Variants in DNM2 observed in about 807,000 individuals in gnomAD.
DNM2 encodes dynamin 2.
DNM2 carries 15 observed loss-of-function variants against 99.0 expected under a neutral mutation model. The observed-to-expected ratio is 0.15, with a 90% CI of 0.10 to 0.23. The LOEUF (loss-of-function observed/expected upper bound fraction) is 0.23. DNM2 is among the 10% of genes least tolerant of loss of function. The probability of loss-of-function intolerance (pLI) is 1.00; values close to 1 mark genes in which losing one functional copy is unlikely to be tolerated. For synonymous variants in DNM2, 525 were observed against 481.2 expected (o/e 1.09, Z -1.19); for missense variants, 742 against 1,189.4 (o/e 0.62, Z 5.53).
At chr19:10,790,194 C>T (rs1341562906) in intron 7 of DNM2, among the ~76,000 whole-genome samples, 6 of 152,242 alleles carry the variant, frequency 3.9e-5, no homozygotes, top group Non-Finnish European at 7.3e-5. Context: ...CTTGGCTTTT[C>T]TCTTCTTGTT....
chr19:10,785,084 C>T lies in DNM2; in HGVS notation c.850-1480C>T, dbSNP rs149556279. Among the ~76,000 whole-genome samples, 344 of 152,126 alleles carry T rather than the reference C, an allele frequency of 2.3e-3. 3 individuals are homozygous for T. Among genetic ancestry groups the T allele is most frequent in the African/African-American group, 7.9e-3 (330 of 41,516 alleles). On this transcript the variant is annotated intron_variant, in intron 6 of 20. Transcript: ENST00000389253. ...CTGCCCGCCTTAGCCTCCCAAAGTG[C>T]TGGGATTACAGGCGTGAGCCACTGT...
chr19:10,826,249 TC>T (rs2073139975), intron 18 of DNM2, among the ~76,000 whole-genome samples: 1 of 152,034 alleles, frequency 6.6e-6, no homozygotes. Flanking sequence ...ACGGCCATCT[TC>T]CCCATTTCAC....
intron 4 of DNM2, among the ~76,000 whole-genome samples, chr19:10,776,370 C>T (rs963661224): frequency 2.0e-5 from 3 of 152,180 alleles, no homozygotes; most frequent in Non-Finnish European, 2.9e-5. Flanking sequence ...GTTGACACCC[C>T]TGGGCCCCTC....
At chr19:10,801,590 A>AGAGCAAGACTCCGTCTC (rs1374742204) in intron 11 of DNM2, among the ~76,000 whole-genome samples, 1 of 142,908 alleles carries the variant, frequency 7.0e-6, no homozygotes, top group Non-Finnish European at 1.5e-5. Flanking sequence ...CCTGGGAGAC[A>AGAGCAAGACTCCGTCTC]GTAAGTTCTT....
At chr19:10,791,508 A>AG (rs374046886) in intron 7 of DNM2, among the ~76,000 whole-genome samples, 39 of 148,094 alleles carry the variant, frequency 2.6e-4, no homozygotes, top group African/African-American at 8.8e-4. Context: ...TCCGAGGTAC[A>AG]GGGGGGCAGG....
chr19:10,734,638 CAAAAAAAAA>C lies in DNM2; in HGVS notation c.161+16250_161+16258del, dbSNP rs61458566. 3.2e-4 allele frequency among the ~76,000 whole-genome samples: 19 copies of C among 58,520 alleles called. 1 individual carries two copies. The highest frequency in any genetic ancestry group is 1.4e-3 in the African/African-American group (19 of 13,848). 38.4% of individuals were successfully genotyped at this position (58,520 alleles called of 152,430 possible). The stretch of plus-strand genomic sequence containing the variant: ...CGGGCAACAGAGCCAGACCCTGTCT[CAAAAAAAAA>C]AAAAAAAAAAAAAAGCCAAAGCCAG... On this transcript the variant is annotated intron_variant, in intron 1 of 20. Transcript: ENST00000389253.
intron 13 of DNM2, among the ~76,000 whole-genome samples, chr19:10,807,558 T>TA (rs1248398960): frequency 7.3e-6 from 1 of 136,480 alleles, no homozygotes; most frequent in East Asian, 2.2e-4. Flanking sequence ...TTTTTTTTTT[T>TA]TTTTTTTTGA....
At chr19:10,755,678 T>C (rs2145833350) in intron 1 of DNM2, among the ~76,000 whole-genome samples, 1 of 151,558 alleles carries the variant, frequency 6.6e-6, no homozygotes, top group African/African-American at 2.4e-5. Flanking sequence ...TTTGTTTTTG[T>C]TTTGAGATGG....
chr19:10,770,841 C>CT (rs1268282892), intron 2 of DNM2, among the ~76,000 whole-genome samples: 1 of 152,196 alleles, frequency 6.6e-6, no homozygotes, highest in Non-Finnish European at 1.5e-5. Flanking sequence ...TGGGTCCCTG[C>CT]TACAACACAA....
intron 11 of DNM2, among the ~76,000 whole-genome samples, chr19:10,799,170 T>C (rs1381252584): frequency 1.3e-5 from 2 of 152,152 alleles, no homozygotes; most frequent in African/African-American, 4.8e-5. Context: ...AAGGCTTCAG[T>C]AAGTTATGGT....
chr19:10,771,623 G>C (rs1017251415), intron 2 of DNM2, among the ~76,000 whole-genome samples: 1 of 152,090 alleles, frequency 6.6e-6, no homozygotes, highest in Non-Finnish European at 1.5e-5. Context: ...TGTGCTGGTG[G>C]ACCATGAATC....
intron 3 of DNM2, among the ~76,000 whole-genome samples, chr19:10,774,883 C>T (rs957190591): frequency 2.0e-5 from 3 of 151,618 alleles, no homozygotes; most frequent in African/African-American, 7.3e-5. Context: ...GATCCTCCCG[C>T]CTTAGTCTCC....
chr19:10,766,419 C>G (rs1018496379), intron 2 of DNM2, among the ~76,000 whole-genome samples: 4 of 152,096 alleles, frequency 2.6e-5, no homozygotes, highest in Non-Finnish European at 5.9e-5. Context: ...TGTCCCAGGC[C>G]CCCTGACCCT....
In DNM2 at chr19:10,741,888, C is replaced by CCCTTCCTCTTTA. The variant is rs138711690; in HGVS notation, c.162-17826_162-17815dup. Among the ~76,000 whole-genome samples, 100 of 151,236 alleles carry CCCTTCCTCTTTA rather than the reference C, an allele frequency of 6.6e-4. 1 individual carries two copies. Among genetic ancestry groups the CCCTTCCTCTTTA allele is most frequent in the African/African-American group, 2.4e-3 (97 of 41,000 alleles). On this transcript the variant is annotated intron_variant, in intron 1 of 20. Coordinates refer to ENST00000389253, the MANE Select transcript of DNM2 (RefSeq NM_001005361.3). ...GTTCTGTGCTTTTTCCTTCCTCCCTCCCTTCCTCTTTACCTTCCTCTTTAC... is the reference window on the plus strand; with the variant it reads ...GTTCTGTGCTTTTTCCTTCCTCCCTCCCTTCCTCTTTACCTTCCTCTTTACCTTCCTCTTTAC...
At position 10,825,204 on chromosome 19, in the gene DNM2, C is replaced by A. The variant is rs1437296623; in HGVS notation, c.2041C>A (p.His681Asn). The A allele has an allele frequency of 6.2e-7, 1 of 1,614,148 alleles. No individual in the cohort carries two copies. The highest frequency in any genetic ancestry group is 8.5e-7 in the Non-Finnish European group (1 of 1,179,980). The change falls in exon 18 of 21, where the codon CAC (histidine) becomes AAC (asparagine). Residue 681 changes from histidine to asparagine, a missense_variant. Transcript: ENST00000389253. The part of the protein sequence containing the change: ...IRDLMPKTIM[H>N]LMINNTKAFI... ...CGACCTCATGCCAAAGACCATCATG[C>A]ACCTCATGATCAACAATGTGAGTGG...
intron 7 of DNM2, 25 bp downstream of exon 7, chr19:10,786,731 AC>A: frequency 6.2e-7 from 1 of 1,613,416 alleles, no homozygotes; most frequent in Non-Finnish European, 8.5e-7. Flanking sequence ...ACCCACCACC[AC>A]CACCACCCTG....
chr19:10,760,771 C>T (rs2145860172), intron 2 of DNM2, among the ~76,000 whole-genome samples: 1 of 143,750 alleles, frequency 7.0e-6, no homozygotes, highest in African/African-American at 2.5e-5. Flanking sequence ...CAATCCTCTC[C>T]AATCAGCCTC....
At position 10,764,459 on chromosome 19, in the gene DNM2, A is replaced by G. The variant is rs2070732083; in HGVS notation, c.235+4648A>G. Among the ~76,000 whole-genome samples, 2 of 151,992 alleles carry G rather than the reference A, an allele frequency of 1.3e-5. No individual in the cohort carries two copies. The highest frequency in any genetic ancestry group is 2.9e-5 in the Non-Finnish European group (2 of 67,998). On this transcript the variant is annotated intron_variant, in intron 2 of 20. Transcript: ENST00000389253. This position sits in a 1 kb window ranked among gnomAD's most constrained non-coding sequence, Gnocchi z 4.1. ...TTAAACATTACCTAAGACCATAACC[A>G]CCAGGAAGTTTGGTGGCCCATGAGT...
intron 1 of DNM2, among the ~76,000 whole-genome samples, chr19:10,753,424 T>G: frequency 9.7e-6 from 1 of 102,956 alleles, no homozygotes; most frequent in East Asian, 3.3e-4. Flanking sequence ...CCCACTTCCC[T>G]TTCCCCTTCC....
Sources: allele counts gnomAD v4.1 joint callset (sites outside exome capture counted in the v4.1 genomes callset), GRCh38; gene constraint gnomAD v4.1.1; non-coding constraint Gnocchi (gnomAD v3.1); transcripts MANE v1.5; gene names NCBI Gene and HGNC (gene_info 2026-07-23, HGNC 2026-07-21).